OPRM1: variants seen among roughly 807,000 people sequenced by gnomAD.
The protein encoded by OPRM1 is opioid receptor mu 1, also known as mu-type opioid receptor.
Under a neutral mutation model 31.8 loss-of-function variants are expected in OPRM1, and 27 were observed. The observed-to-expected ratio is 0.85, with a 90% confidence interval of 0.63 to 1.17. The LOEUF is 1.17. OPRM1 is among the 50% of genes most tolerant of loss of function. OPRM1 has a pLI of 0.00. For missense variants in OPRM1, 536 were observed against 511.1 expected, an observed-to-expected ratio of 1.05 and a Z score of -0.47; for synonymous variants, 196 against 189.9, an observed-to-expected ratio of 1.03 and a Z score of -0.26.
chr6:154,177,791 A>G (rs1800471256), intron 3 of OPRM1, among the ~76,000 whole-genome samples: 1 of 152,244 alleles, frequency 6.6e-6, no homozygotes, highest in Non-Finnish European at 1.5e-5. Context: ...ATTACTGGGT[A>G]TATATCCAAA....
chr6:154,200,412 C>A (rs1776965513), intron 3 of OPRM1, among the ~76,000 whole-genome samples: 1 of 152,072 alleles, frequency 6.6e-6, no homozygotes, highest in Non-Finnish European at 1.5e-5. Context: ...ACTGATGGAA[C>A]AAGAAAGATA....
intron 1 of OPRM1, among the ~76,000 whole-genome samples, chr6:154,024,274 G>T (rs1778555884): frequency 6.6e-6 from 1 of 151,878 alleles, no homozygotes; most frequent in South Asian, 2.1e-4. Flanking sequence ...TTGGTAGGTT[G>T]TATGTGTCCA....
Position 154,091,249 on chromosome 6 carries a change from C to T in OPRM1, c.941C>T (p.Thr314Met), listed in dbSNP as rs759812386. The T allele has an allele frequency of 3.2e-5, 52 of 1,614,062 alleles. No individual in the cohort carries two copies. In the Admixed American group the frequency reaches 6.2e-4, roughly 19 times the overall value. ...GCCTTGGTTACAATCCCAGAAACTA[C>T]GTTCCAGACTGTTTCTTGGCACTTC... The part of the protein sequence containing the change: ...IKALVTIPET[T>M]FQTVSWHFCI... The change falls in exon 3 of 4, where the codon ACG (threonine) becomes ATG (methionine). Residue 314 changes from threonine (T) to methionine (M), a missense_variant. Physicochemically the swap from Thr to Met is moderately conservative, Grantham distance 81 (BLOSUM62 -1). Transcript: ENST00000330432.
At chr6:154,235,165 GAGA>G in intron 3 of OPRM1, among the ~76,000 whole-genome samples, 1 of 152,306 alleles carries the variant, frequency 6.6e-6, no homozygotes, top group Non-Finnish European at 1.5e-5. Context: ...CACGAGTTGG[GAGA>G]AGAATAGATA....
intron 3 of OPRM1, among the ~76,000 whole-genome samples, chr6:154,169,099 G>A (rs922382606): frequency 3.3e-5 from 5 of 149,954 alleles, no homozygotes; most frequent in Admixed American, 2.0e-4. Context: ...GGTGGCTCAC[G>A]CCTGTAATCC....
chr6:154,143,420 T>G (rs1798272893), intron 3 of OPRM1, among the ~76,000 whole-genome samples: 1 of 152,216 alleles, frequency 6.6e-6, no homozygotes, highest in Admixed American at 6.5e-5. Context: ...TTATTAAAAT[T>G]ATTGGTCATG....
chr6:154,143,662 GT>G (rs1208946583), intron 3 of OPRM1, among the ~76,000 whole-genome samples: 1 of 152,206 alleles, frequency 6.6e-6, no homozygotes, highest in Non-Finnish European at 1.5e-5. Context: ...GAGGTAGGAC[GT>G]TTAAGAGGTG....
chr6:154,124,240 T>C lies in OPRM1; in HGVS notation c.*5519T>C, dbSNP rs898815136. On this transcript the variant is annotated 3_prime_UTR_variant, in exon 4 of 4. Coordinates refer to ENST00000330432, the MANE Select transcript of OPRM1 (RefSeq NM_000914.5). ...TCATTAAAATTAAGTTTATCAATTTTTGAAAGCATCTTCTGACTCAAATAT... is the reference window on the plus strand; with the variant it reads ...TCATTAAAATTAAGTTTATCAATTTCTGAAAGCATCTTCTGACTCAAATAT... Among the ~76,000 whole-genome samples the C allele has an allele frequency of 6.6e-5, 10 of 152,218 alleles. No individual in the cohort carries two copies. The highest frequency in any genetic ancestry group is 2.4e-4 in the African/African-American group (10 of 41,468).
chr6:154,037,456 G>A (rs17174628), upstream of OPRM1, among the ~76,000 whole-genome samples: 2 of 151,628 alleles, frequency 1.3e-5, no homozygotes, highest in East Asian at 1.9e-4. Context: ...TTTTGGTCAG[G>A]GCAAATTTAG....
chr6:154,169,726 C>T (rs1411990680), intron 3 of OPRM1, among the ~76,000 whole-genome samples: 2 of 152,184 alleles, frequency 1.3e-5, no homozygotes, highest in Non-Finnish European at 2.9e-5. Flanking sequence ...AGCCACTCCA[C>T]CACAGGATCT....
intron 3 of OPRM1, among the ~76,000 whole-genome samples, chr6:154,191,929 A>G (rs4498369): frequency 0.094 from 14,375 of 152,156 alleles, 1,065 homozygotes; most frequent in African/African-American, 0.21. Context: ...TTTCAAAATA[A>G]GAATCTCCAC....
intron 3 of OPRM1, among the ~76,000 whole-genome samples, chr6:154,153,233 T>A (rs939908925): frequency 6.6e-6 from 1 of 152,156 alleles, no homozygotes; most frequent in East Asian, 1.9e-4. Flanking sequence ...AGCAGGATAT[T>A]TGAAAGGGAG....
At chr6:154,043,298 G>C (rs1267818381) in intron 1 of OPRM1, among the ~76,000 whole-genome samples, 1 of 152,042 alleles carries the variant, frequency 6.6e-6, no homozygotes, top group Admixed American at 6.6e-5. Flanking sequence ...ATTTAAATAC[G>C]TGCAAGATGT....
chr6:154,175,939 C>T (rs1191639864), intron 3 of OPRM1, among the ~76,000 whole-genome samples: 1 of 152,142 alleles, frequency 6.6e-6, no homozygotes, highest in Non-Finnish European at 1.5e-5. Flanking sequence ...TACTGGCAAA[C>T]CAAATCCAGC....
chr6:154,154,818 T>G (rs934359847), intron 3 of OPRM1: 3 of 152,734 alleles, frequency 2.0e-5, no homozygotes, highest in African/African-American at 7.2e-5. Flanking sequence ...GAGGGGTAGC[T>G]GACACAGGAT....
intron 1 of OPRM1, among the ~76,000 whole-genome samples, chr6:154,085,850 ATT>A (rs1790403396): frequency 6.8e-6 from 1 of 147,482 alleles, no homozygotes. Context: ...CTGGGACAAC[ATT>A]CATGCCACCA....
intron 3 of OPRM1, among the ~76,000 whole-genome samples, chr6:154,209,163 A>T (rs112269568): frequency 5.9e-5 from 9 of 152,334 alleles, no homozygotes; most frequent in African/African-American, 1.7e-4. Context: ...AAGATTTTAA[A>T]TTTTTTTGAA....
chr6:154,173,771 T>C (rs1180090653), intron 3 of OPRM1, among the ~76,000 whole-genome samples: 1 of 152,112 alleles, frequency 6.6e-6, no homozygotes, highest in African/African-American at 2.4e-5. Flanking sequence ...CAGGAGAACT[T>C]CCCCAACCTA....
At chr6:154,086,158 T>G (rs889773256) in intron 1 of OPRM1, among the ~76,000 whole-genome samples, 1 of 152,184 alleles carries the variant, frequency 6.6e-6, no homozygotes, top group Non-Finnish European at 1.5e-5. Flanking sequence ...CTTTTCTGAT[T>G]AGACCATCTC....
Sources: gnomAD v4.1 joint callset for allele counts (sites outside exome capture counted in the v4.1 genomes callset) on GRCh38, gnomAD v4.1.1 for gene constraint, MANE v1.5 for transcripts, NCBI Gene and HGNC (gene_info 2026-07-23, HGNC 2026-07-21) for gene names.